The following CPQ variants were observed in gnomAD, a reference collection of about 807,000 sequenced individuals.
CPQ encodes Ser-Met dipeptidase.
Under a neutral mutation model 45.7 loss-of-function variants are expected in CPQ, and 37 were observed. The ratio of observed to expected loss-of-function variants is 0.81; its 90% CI spans 0.62 to 1.07. CPQ has a LOEUF of 1.07. CPQ is among the 50% of genes least tolerant of loss of function. The pLI is 0.00. For synonymous variants in CPQ, 186 were observed against 205.8 expected, an observed-to-expected ratio of 0.90 and a Z score of 0.82; for missense variants, 537 against 572.9, an observed-to-expected ratio of 0.94 and a Z score of 0.64.
chr8:96,711,017 G>A (rs1000949512), intron 1 of CPQ, among the ~76,000 whole-genome samples: 5 of 152,234 alleles, frequency 3.3e-5, no homozygotes, highest in East Asian at 1.9e-4. Flanking sequence ...TTTTATGAAT[G>A]TGGGAGCGCC....
intron 5 of CPQ, among the ~76,000 whole-genome samples, chr8:97,020,741 C>T (rs895614396): frequency 6.6e-6 from 1 of 151,614 alleles, no homozygotes; most frequent in African/African-American, 2.4e-5. Flanking sequence ...AAAAAATTAC[C>T]AACAAAAAAA....
intron 7 of CPQ, among the ~76,000 whole-genome samples, chr8:97,080,601 C>CAGA (rs750013712): frequency 6.6e-6 from 1 of 152,154 alleles, no homozygotes; most frequent in East Asian, 1.9e-4. Flanking sequence ...TATTAAAGTT[C>CAGA]AGAAGTGGCC....
At chr8:96,964,378 TTTTGTC>T (rs1813519604) in intron 4 of CPQ, among the ~76,000 whole-genome samples, 2 of 152,182 alleles carry the variant, frequency 1.3e-5, no homozygotes, top group South Asian at 4.1e-4. Context: ...ATTTGGCATA[TTTTGTC>T]TTTTTCATTT....
intron 1 of CPQ, among the ~76,000 whole-genome samples, chr8:96,718,153 C>T (rs984831796): frequency 3.3e-5 from 5 of 152,164 alleles, no homozygotes; most frequent in Non-Finnish European, 5.9e-5. Flanking sequence ...TCCCACTCAC[C>T]CCTCAGTTCT....
At chr8:96,679,800 C>G (rs1586355938) in intron 1 of CPQ, among the ~76,000 whole-genome samples, 1 of 149,556 alleles carries the variant, frequency 6.7e-6, no homozygotes, top group African/African-American at 2.5e-5. Context: ...TTACTTGAAT[C>G]TTTTCTTTCT....
At chr8:96,915,388 A>G (rs1586449901) in intron 4 of CPQ, among the ~76,000 whole-genome samples, 1 of 152,312 alleles carries the variant, frequency 6.6e-6, no homozygotes, top group African/African-American at 2.4e-5. Context: ...AAGGCTGAAC[A>G]TAATTTTTCA....
intron 2 of CPQ, among the ~76,000 whole-genome samples, chr8:96,802,356 T>C (rs577523917): frequency 2.0e-5 from 3 of 152,314 alleles, no homozygotes; most frequent in African/African-American, 4.8e-5. Flanking sequence ...GGTGAGTACA[T>C]ATTTTGTAGC....
At chr8:96,818,778 G>A (rs1288279639) in intron 2 of CPQ, among the ~76,000 whole-genome samples, 1 of 152,060 alleles carries the variant, frequency 6.6e-6, no homozygotes, top group Non-Finnish European at 1.5e-5. Flanking sequence ...CTGATAACAT[G>A]GAACACACAT....
intron 2 of CPQ, among the ~76,000 whole-genome samples, chr8:96,816,371 C>G (rs1199157418): frequency 6.6e-6 from 1 of 152,142 alleles, no homozygotes; most frequent in African/African-American, 2.4e-5. Flanking sequence ...TCTTCAGGCT[C>G]CACTTCTAAT....
chr8:96,898,304 G>A (rs1384845946), intron 4 of CPQ, among the ~76,000 whole-genome samples: 1 of 152,090 alleles, frequency 6.6e-6, no homozygotes, highest in African/African-American at 2.4e-5. Flanking sequence ...GTGAGATGAT[G>A]TCTCTGCAAG....
chr8:96,778,672 TTAGAA>T lies in CPQ; in HGVS notation c.-34-6189_-34-6185del, dbSNP rs531951420. On this transcript the variant is annotated intron_variant, in intron 1 of 7. Coordinates refer to ENST00000220763, the MANE Select transcript of CPQ (RefSeq NM_016134.4). Reference sequence around the variant, plus strand: ...TGAAAATACAGTCTAGTTAAGGTATTTAGAATAACACTCAGTTTCTGTTTCAAAGT... The same window carrying T: ...TGAAAATACAGTCTAGTTAAGGTATTTAACACTCAGTTTCTGTTTCAAAGT... 1.1e-3 allele frequency among the ~76,000 whole-genome samples: 175 copies of T among 152,320 alleles called. 2 individuals carry two copies. The highest frequency in any genetic ancestry group is 4.0e-3 in the African/African-American group (166 of 41,580).
chr8:97,108,831 G>A (rs1391215719), intron 7 of CPQ, among the ~76,000 whole-genome samples: 2 of 152,178 alleles, frequency 1.3e-5, no homozygotes, highest in African/African-American at 4.8e-5. Context: ...AAGAGAAAGA[G>A]AAGCTTGTTG....
chr8:97,088,852 T>C (rs1034232481), intron 7 of CPQ, among the ~76,000 whole-genome samples: 1 of 152,174 alleles, frequency 6.6e-6, no homozygotes, highest in African/African-American at 2.4e-5. Flanking sequence ...CTACCACATA[T>C]ACAGGAAGAA....
intron 1 of CPQ, among the ~76,000 whole-genome samples, chr8:96,759,193 C>G (rs912296632): frequency 1.3e-5 from 2 of 152,102 alleles, no homozygotes; most frequent in African/African-American, 4.8e-5. Flanking sequence ...TGGGTTTGTT[C>G]TCCTGCTCAC....
intron 2 of CPQ, among the ~76,000 whole-genome samples, chr8:96,825,203 G>T (rs1811363734): frequency 1.3e-5 from 2 of 151,966 alleles, no homozygotes; most frequent in South Asian, 4.1e-4. Context: ...ATCTTTAAAA[G>T]ACTTGTGCCT....
rs368218633 is a variant in CPQ, at chr8:96,879,854, G to A, written c.698G>A (p.Cys233Tyr). ...GGCGTGCCCAAGATTCCAACAGCCT[G>A]TATTACGGTGGAAGATGCAGAAATG... The part of the protein sequence containing the change: ...QDGVPKIPTA[C>Y]ITVEDAEMMS... The change falls in exon 4 of 8, where the codon TGT becomes TAT. Residue 233 changes from cysteine (C) to tyrosine (Y), a missense_variant. By Grantham distance (194) the Cys-to-Tyr change is radical. Coordinates refer to ENST00000220763, the MANE Select transcript of CPQ (RefSeq NM_016134.4). 1.1e-5 allele frequency: 17 copies of A among 1,613,980 alleles called. No homozygotes were observed. The highest frequency in any genetic ancestry group is 1.4e-5 in the Non-Finnish European group (16 of 1,179,988).
intron 5 of CPQ, among the ~76,000 whole-genome samples, chr8:97,020,238 G>T (rs1586497905): frequency 6.6e-6 from 1 of 152,184 alleles, no homozygotes; most frequent in South Asian, 2.1e-4. Context: ...GGTGCTAAGA[G>T]GAAAGTTCAT....
chr8:96,750,605 G>A (rs1285290138), intron 1 of CPQ, among the ~76,000 whole-genome samples: 1 of 147,388 alleles, frequency 6.8e-6, no homozygotes, highest in Non-Finnish European at 1.5e-5. Context: ...TTTTTTTCCT[G>A]GTTTTCACTT....
intron 7 of CPQ, among the ~76,000 whole-genome samples, chr8:97,117,798 T>C (rs1410064381): frequency 6.6e-6 from 1 of 152,108 alleles, no homozygotes; most frequent in African/African-American, 2.4e-5. Flanking sequence ...CTTGATGATT[T>C]AAATTCAAAG....
Sources: allele counts gnomAD v4.1 joint callset (sites outside exome capture counted in the v4.1 genomes callset), GRCh38; gene constraint gnomAD v4.1.1; transcripts MANE v1.5; gene names NCBI Gene and HGNC (gene_info 2026-07-23, HGNC 2026-07-21).